RGS20: variants seen among roughly 807,000 people sequenced by gnomAD.
The protein encoded by RGS20 is regulator of G protein signaling 20, also known as gz-selective GTPase-activating protein.
A neutral mutation model predicts 33.6 loss-of-function variants in RGS20; 30 were observed. The observed-to-expected ratio is 0.89, with a 90% CI of 0.67 to 1.21. The LOEUF (loss-of-function observed/expected upper bound fraction) is 1.21, where lower values mean the gene tolerates loss of function less well. RGS20 is among the 50% of genes most tolerant of loss of function. RGS20 has a pLI of 0.00. For synonymous variants in RGS20, 208 were observed against 197.9 expected, an observed-to-expected ratio of 1.05 and a Z score of -0.43; for missense variants, 472 against 502.4, an observed-to-expected ratio of 0.94 and a Z score of 0.58.
At chr8:53,852,129 A>G in intron 1 of RGS20, 1 of 1,436,460 alleles carries the variant, frequency 7.0e-7, no homozygotes, top group Non-Finnish European at 9.4e-7. Context: ...CAGAAAGAAT[A>G]TAAAACTATA....
chr8:53,898,773 T>A (rs79801760), intron 2 of RGS20, among the ~76,000 whole-genome samples: 2 of 152,346 alleles, frequency 1.3e-5, no homozygotes, highest in East Asian at 3.9e-4. Context: ...GGGAACCCAC[T>A]TTTCCACCTG....
At chr8:53,858,006 TTA>T (rs1413547033) in intron 1 of RGS20, among the ~76,000 whole-genome samples, 1 of 152,170 alleles carries the variant, frequency 6.6e-6, no homozygotes, top group African/African-American at 2.4e-5. Flanking sequence ...TATGCAATTA[TTA>T]TGTGTGAATT....
intron 1 of RGS20, among the ~76,000 whole-genome samples, chr8:53,857,789 A>G (rs1243764837): frequency 2.0e-5 from 3 of 152,248 alleles, no homozygotes; most frequent in African/African-American, 7.2e-5. Flanking sequence ...GCTGAAAAAA[A>G]TCTGAAATCC....
chr8:53,885,519 CAGG>C (rs1812517100), intron 2 of RGS20, among the ~76,000 whole-genome samples: 1 of 152,046 alleles, frequency 6.6e-6, no homozygotes, highest in Non-Finnish European at 1.5e-5. Context: ...GAGGCTGAAG[CAGG>C]AGAATGGCAT....
intron 4 of RGS20, among the ~76,000 whole-genome samples, chr8:53,951,785 G>C (rs930027294): frequency 2.0e-5 from 3 of 152,024 alleles, no homozygotes; most frequent in Admixed American, 1.3e-4. Context: ...GGGAGGCCGA[G>C]GCAGGCGGAT....
At chr8:53,859,488 A>G (rs1811759940) in intron 1 of RGS20, among the ~76,000 whole-genome samples, 1 of 152,216 alleles carries the variant, frequency 6.6e-6, no homozygotes, top group African/African-American at 2.4e-5. Flanking sequence ...CAAAAGTCTC[A>G]TAAAATCATG....
At chr8:53,857,150 A>C (rs1003864118) in intron 1 of RGS20, among the ~76,000 whole-genome samples, 3 of 152,234 alleles carry the variant, frequency 2.0e-5, no homozygotes, top group Non-Finnish European at 2.9e-5. Context: ...ATAATTCCAT[A>C]GTAAGTAGTT....
intron 2 of RGS20, among the ~76,000 whole-genome samples, chr8:53,908,685 C>A (rs1299861683): frequency 1.3e-5 from 2 of 151,634 alleles, no homozygotes; most frequent in Admixed American, 6.6e-5. Flanking sequence ...CACCTGTGGT[C>A]CCAGCTACTC....
At chr8:53,944,530 C>T (rs1353221750) in intron 3 of RGS20, among the ~76,000 whole-genome samples, 1 of 143,662 alleles carries the variant, frequency 7.0e-6, no homozygotes, top group Non-Finnish European at 1.5e-5. Flanking sequence ...AGAGCAAGAC[C>T]CCGTCTCAAA....
At chr8:53,921,474 G>T (rs1178931754) in intron 2 of RGS20, among the ~76,000 whole-genome samples, 1 of 148,940 alleles carries the variant, frequency 6.7e-6, no homozygotes, top group African/African-American at 2.5e-5. Context: ...ACACCAGCCT[G>T]AACAGATCTG....
At chr8:53,852,143 A>C in intron 1 of RGS20, 1 of 1,310,340 alleles carries the variant, frequency 7.6e-7, no homozygotes, top group Non-Finnish European at 1.0e-6. Context: ...AACTATACTC[A>C]AGCTTTAGTG....
intron 1 of RGS20, among the ~76,000 whole-genome samples, chr8:53,867,703 CT>C (rs1252161154): frequency 1.3e-5 from 2 of 150,082 alleles, no homozygotes; most frequent in African/African-American, 4.9e-5. Flanking sequence ...TCCTTCCTTC[CT>C]TTCTTTGTTT....
intron 1 of RGS20, among the ~76,000 whole-genome samples, chr8:53,856,311 G>A (rs1811668983): frequency 1.3e-5 from 2 of 151,464 alleles, no homozygotes; most frequent in South Asian, 4.2e-4. Context: ...CACCTCCCAG[G>A]TTCAAGTGAT....
Position 53,939,561 on chromosome 8 carries a change from C to T in RGS20, c.511-15C>T, listed in dbSNP as rs774584298. Reference sequence around the variant, plus strand: ...GAACCCCCTCCCGCCCGCTTTGTTCCTCTCCCTCTTGCAGCAGATGGGATC... The same window carrying T: ...GAACCCCCTCCCGCCCGCTTTGTTCTTCTCCCTCTTGCAGCAGATGGGATC... On this transcript the variant is annotated splice_polypyrimidine_tract_variant and intron_variant, in intron 2 of 5. Transcript: ENST00000297313. 2.6e-6 allele frequency: 4 copies of T among 1,521,188 alleles called. No homozygotes were observed. Among genetic ancestry groups the T allele is most frequent in the Non-Finnish European group, 3.5e-6 (4 of 1,131,338 alleles). 94.2% of individuals were successfully genotyped at this position (1,521,188 alleles called of 1,614,324 possible). A position where few individuals can be genotyped will look rare whatever the true frequency, so the allele number is the denominator to read the frequency against.
intron 2 of RGS20, among the ~76,000 whole-genome samples, chr8:53,920,808 G>A (rs929587686): frequency 8.5e-5 from 13 of 152,250 alleles, no homozygotes; most frequent in Middle Eastern, 3.4e-3. Flanking sequence ...GCCCGGGCTG[G>A]AGTGCAGTGG....
chr8:53,891,288 T>C (rs1263472250), intron 2 of RGS20, among the ~76,000 whole-genome samples: 1 of 152,242 alleles, frequency 6.6e-6, no homozygotes, highest in Non-Finnish European at 1.5e-5. Context: ...AAATGTAATT[T>C]CACTTATTTA....
At chr8:53,908,011 T>C (rs1185920762) in intron 2 of RGS20, among the ~76,000 whole-genome samples, 1 of 151,980 alleles carries the variant, frequency 6.6e-6, no homozygotes, top group Non-Finnish European at 1.5e-5. Flanking sequence ...TCAATGAAGT[T>C]GTGAGGCAGG....
At chr8:53,958,242 T>C (rs549553200) in intron 5 of RGS20, 28 bp from the exon 5 acceptor site, 14 of 1,557,850 alleles carry the variant, frequency 9.0e-6, no homozygotes, top group African/African-American at 2.7e-5. Context: ...AAGTCTCTAA[T>C]ACAGCTCCTA....
At chr8:53,957,480 C>T (rs947368575) in intron 5 of RGS20, among the ~76,000 whole-genome samples, 1 of 152,238 alleles carries the variant, frequency 6.6e-6, no homozygotes, top group Non-Finnish European at 1.5e-5. Context: ...TTCCACTTCA[C>T]CCCTGTGCCC....
Sources: gnomAD v4.1 joint callset for allele counts (sites outside exome capture counted in the v4.1 genomes callset) on GRCh38, gnomAD v4.1.1 for gene constraint, MANE v1.5 for transcripts, NCBI Gene and HGNC (gene_info 2026-07-23, HGNC 2026-07-21) for gene names.